Variants in SNX6 observed in about 807,000 individuals in gnomAD.
The protein encoded by SNX6 is sorting nexin-6.
Under a neutral mutation model 63.0 loss-of-function variants are expected in SNX6, and 34 were observed. The ratio of observed to expected loss-of-function variants is 0.54; its 90% CI spans 0.41 to 0.72. SNX6 has a LOEUF of 0.72. SNX6 is among the 30% of genes least tolerant of loss of function. SNX6 has a pLI of 0.00. For missense variants in SNX6, 398 were observed against 471.4 expected (o/e 0.84, Z 1.44); for synonymous variants, 170 against 164.2 (o/e 1.04, Z -0.27).
At chr14:34,600,608 C>T (rs1379536094) in intron 6 of SNX6, among the ~76,000 whole-genome samples, 2 of 152,116 alleles carry the variant, frequency 1.3e-5, no homozygotes, top group African/African-American at 4.8e-5. Context: ...TTAACCTGTA[C>T]ATGAGCACTA....
intron 6 of SNX6, among the ~76,000 whole-genome samples, chr14:34,599,964 A>C (rs137855997): frequency 6.6e-6 from 1 of 152,058 alleles, no homozygotes; most frequent in African/African-American, 2.4e-5. Context: ...ATGACTTAAA[A>C]CTGTCCCTTT....
intron 6 of SNX6, among the ~76,000 whole-genome samples, chr14:34,599,773 CA>C (rs58894384): frequency 4.6e-4 from 59 of 129,320 alleles, no homozygotes; most frequent in Middle Eastern, 3.9e-3. Context: ...GACTCTGTCT[CA>C]AAAAAAAAAA....
chr14:34,611,925 C>T (rs1467708578), intron 2 of SNX6, among the ~76,000 whole-genome samples: 1 of 151,734 alleles, frequency 6.6e-6, no homozygotes, highest in Admixed American at 6.6e-5. Context: ...ACTACAGGCA[C>T]CCACCACCAC....
chr14:34,617,126 T>G (rs1883446393), intron 2 of SNX6, among the ~76,000 whole-genome samples: 2 of 151,310 alleles, frequency 1.3e-5, no homozygotes, highest in Admixed American at 1.3e-4. Context: ...GAGTTCAGTT[T>G]GAAGAAATTT....
chr14:34,610,352 CAAAAAA>C (rs35289170), intron 2 of SNX6, among the ~76,000 whole-genome samples: 14 of 77,694 alleles, frequency 1.8e-4, no homozygotes, highest in African/African-American at 7.1e-4. Context: ...AAAACCGTCT[CAAAAAA>C]AAAAAAAAAA....
intron 5 of SNX6, among the ~76,000 whole-genome samples, chr14:34,603,949 G>A (rs758164032): frequency 1.3e-5 from 2 of 151,180 alleles, no homozygotes; most frequent in African/African-American, 2.4e-5. Flanking sequence ...AACACACTAT[G>A]AAGAAACTAA....
At chr14:34,617,607 CAAAAAAAAA>C (rs34716944) in intron 2 of SNX6, among the ~76,000 whole-genome samples, 3 of 66,934 alleles carry the variant, frequency 4.5e-5, no homozygotes, top group East Asian at 2.5e-4. Context: ...GACCCTGTCT[CAAAAAAAAA>C]AAAAAAAAAA....
intron 10 of SNX6, among the ~76,000 whole-genome samples, chr14:34,578,189 G>A (rs1190293843): frequency 1.3e-5 from 2 of 152,064 alleles, no homozygotes; most frequent in Non-Finnish European, 2.9e-5. Flanking sequence ...GGGTGACAGA[G>A]CAAGACTCTG....
intron 2 of SNX6, among the ~76,000 whole-genome samples, chr14:34,624,507 C>A (rs1381150531): frequency 6.6e-6 from 1 of 152,058 alleles, no homozygotes; most frequent in Non-Finnish European, 1.5e-5. Context: ...TTTAATTTTG[C>A]TTACTTGTAG....
chr14:34,567,317 T>A (rs951886387), intron 13 of SNX6, among the ~76,000 whole-genome samples: 2 of 151,832 alleles, frequency 1.3e-5, no homozygotes, highest in African/African-American at 4.8e-5. Flanking sequence ...TGAAACCCTG[T>A]CTCTACTAAA....
chr14:34,571,829 A>G (rs1224675484), intron 11 of SNX6, among the ~76,000 whole-genome samples: 1 of 152,130 alleles, frequency 6.6e-6, no homozygotes, highest in Non-Finnish European at 1.5e-5. Context: ...TGCTGTGAAC[A>G]CCTGTATGGA....
At chr14:34,574,404 C>G (rs923014145) in intron 11 of SNX6, among the ~76,000 whole-genome samples, 5 of 150,746 alleles carry the variant, frequency 3.3e-5, no homozygotes, top group Admixed American at 1.3e-4. Flanking sequence ...AATTCCAGCA[C>G]TTTGGGAGGC....
intron 11 of SNX6, among the ~76,000 whole-genome samples, chr14:34,572,745 A>C (rs1446299572): frequency 2.0e-5 from 3 of 151,628 alleles, no homozygotes; most frequent in African/African-American, 2.4e-5. Context: ...CCGTGGCGCG[A>C]TCTCGGCTCA....
chr14:34,591,532 A>T (rs1298104887), intron 8 of SNX6, among the ~76,000 whole-genome samples: 1 of 151,990 alleles, frequency 6.6e-6, no homozygotes, highest in East Asian at 1.9e-4. Flanking sequence ...TGGCAGTGGC[A>T]GAGGCTGCAG....
intron 13 of SNX6, among the ~76,000 whole-genome samples, chr14:34,566,170 T>G (rs145904474): frequency 2.0e-5 from 3 of 152,338 alleles, no homozygotes; most frequent in Non-Finnish European, 2.9e-5. Context: ...ATGTCAAACT[T>G]ATCAAAACAT....
intron 2 of SNX6, among the ~76,000 whole-genome samples, chr14:34,611,907 T>G (rs919124554): frequency 6.6e-6 from 1 of 151,838 alleles, no homozygotes; most frequent in East Asian, 2.0e-4. Flanking sequence ...GCCTCCCAAG[T>G]AGCTGGGACT....
intron 13 of SNX6, among the ~76,000 whole-genome samples, chr14:34,564,992 T>C (rs1382985249): frequency 3.3e-5 from 5 of 152,024 alleles, no homozygotes; most frequent in Non-Finnish European, 7.4e-5. Context: ...CATAAATGAA[T>C]GAACTTGGCT....
At chr14:34,565,796 TC>T (rs1388581514) in intron 13 of SNX6, among the ~76,000 whole-genome samples, 1 of 151,728 alleles carries the variant, frequency 6.6e-6, no homozygotes, top group Non-Finnish European at 1.5e-5. Flanking sequence ...TTCATGCCAT[TC>T]TCCTGCCTCA....
rs998126827 is a variant in SNX6 at position 34,603,312 on chromosome 14, A to G, written c.516+36T>C. 5.1e-6 allele frequency: 8 copies of G among 1,564,268 alleles called. No individual in the cohort carries two copies. The African/African-American group carries it at 9.8e-5, about 19-fold the overall frequency. On this transcript the variant is annotated intron_variant, in intron 6 of 13. Coordinates refer to ENST00000362031, the MANE Select transcript of SNX6 (RefSeq NM_152233.4). Reference sequence around the variant, plus strand: ...AAAAAAAAAAGAAGAAGAAGAAGAAAAAGAAAACTTGACCACCAATCAATG... The same window carrying G: ...AAAAAAAAAAGAAGAAGAAGAAGAAGAAGAAAACTTGACCACCAATCAATG...
Sources: gnomAD v4.1 joint callset for allele counts (sites outside exome capture counted in the v4.1 genomes callset) on GRCh38, gnomAD v4.1.1 for gene constraint, MANE v1.5 for transcripts, NCBI Gene and HGNC (gene_info 2026-07-23, HGNC 2026-07-21) for gene names.